The following RYR2 variants were observed in gnomAD, a reference collection of about 807,000 sequenced individuals.
RYR2 encodes ryanodine receptor 2, also known as cardiac muscle ryanodine receptor-calcium release channel.
Under a neutral mutation model 601.1 loss-of-function variants are expected in RYR2, and 227 were observed. That is an observed-to-expected ratio of 0.38 (90% CI 0.34 to 0.42). RYR2 has a LOEUF of 0.42. Ranked by LOEUF, RYR2 falls within the 10% of genes least tolerant of loss-of-function variation. The probability of loss-of-function intolerance (pLI) is 1.00; values close to 1 mark genes in which losing one functional copy is unlikely to be tolerated. For missense variants in RYR2, 4,646 were observed against 6,156.5 expected (o/e 0.75, Z 8.21); for synonymous variants, 2,223 against 2,175.1 (o/e 1.02, Z -0.61).
intron 1 of RYR2, among the ~76,000 whole-genome samples, chr1:237,072,042 A>G (rs1664413420): frequency 6.6e-6 from 1 of 152,024 alleles, no homozygotes; most frequent in Admixed American, 6.5e-5. Context: ...CTGCTGGGGG[A>G]AGAGGGTGTC....
At chr1:237,727,027 T>C in intron 75 of RYR2, 60 bp from the exon 76 acceptor site, 1 of 865,720 alleles carries the variant, frequency 1.2e-6, no homozygotes, top group Non-Finnish European at 2.0e-6. Flanking sequence ...GGTGTAAATA[T>C]TTATTTGTTT....
chr1:237,267,687 C>G (rs1415729580), intron 1 of RYR2: 3 of 205,548 alleles, frequency 1.5e-5, no homozygotes, highest in African/African-American at 2.4e-5. Context: ...CCACTCAAGA[C>G]TTTCCCAATC....
chr1:237,735,531 A>T (rs1691063594), intron 79 of RYR2, among the ~76,000 whole-genome samples: 1 of 152,176 alleles, frequency 6.6e-6, no homozygotes, highest in Non-Finnish European at 1.5e-5. Flanking sequence ...AGGTTACAGG[A>T]CATAAGGGAA....
intron 1 of RYR2, among the ~76,000 whole-genome samples, chr1:237,196,319 A>G (rs897359488): frequency 3.3e-4 from 50 of 152,254 alleles, no homozygotes; most frequent in East Asian, 1.9e-4. Flanking sequence ...ATTGCCTTCT[A>G]TGTTTTATGG....
At chr1:237,241,376 T>C (rs1686142820) in intron 1 of RYR2, among the ~76,000 whole-genome samples, 1 of 152,242 alleles carries the variant, frequency 6.6e-6, no homozygotes, top group Non-Finnish European at 1.5e-5. Context: ...TTTGAATTAC[T>C]CTTGGTCAGG....
intron 10 of RYR2, among the ~76,000 whole-genome samples, chr1:237,409,776 C>T (rs1400575472): frequency 6.6e-6 from 1 of 152,070 alleles, no homozygotes; most frequent in Non-Finnish European, 1.5e-5. Context: ...ATGGCTTCTT[C>T]TTTGTCCCTA....
At chr1:237,575,185 G>A (rs74877090) in intron 29 of RYR2, among the ~76,000 whole-genome samples, 23,226 of 152,008 alleles carry the variant, frequency 0.15, 2,128 homozygotes, top group Non-Finnish European at 0.2. Context: ...GTTCATACGC[G>A]GTTACCTCAT....
chr1:237,291,718 A>G (rs1692214943), intron 2 of RYR2, among the ~76,000 whole-genome samples: 2 of 152,220 alleles, frequency 1.3e-5, no homozygotes, highest in African/African-American at 4.8e-5. Context: ...GGAACAGTCA[A>G]ATCTCTGGAG....
At chr1:237,673,036 A>T (rs1685092516) in intron 58 of RYR2, among the ~76,000 whole-genome samples, 1 of 152,194 alleles carries the variant, frequency 6.6e-6, no homozygotes, top group South Asian at 2.1e-4. Context: ...TGTAGGGCTA[A>T]TTCAACATTT....
At position 237,650,023 on chromosome 1, in the gene RYR2, T is replaced by C. The variant is rs777013949; in HGVS notation, c.7659T>C (p.Tyr2553=). The C allele has an allele frequency of 5.0e-6, 8 of 1,614,054 alleles. No individual in the cohort carries two copies. The South Asian group carries it at 7.7e-5, about 16-fold the overall frequency. Reference sequence around the variant, plus strand: ...TTGACTCATTACTTCATACTGTGTATAGACTTTCTAAGGGCTGTTCACTTA... The same window carrying C: ...TTGACTCATTACTTCATACTGTGTACAGACTTTCTAAGGGCTGTTCACTTA... The part of the protein sequence containing the change: ...SLIDSLLHTV[Y]RLSKGCSLTK... The change falls in exon 50 of 105, where the codon TAT becomes TAC. Residue 2553 remains tyrosine (Y), a synonymous_variant. Transcript: ENST00000366574.
intron 1 of RYR2, among the ~76,000 whole-genome samples, chr1:237,268,193 C>T (rs1355682918): frequency 1.3e-5 from 2 of 152,228 alleles, no homozygotes; most frequent in East Asian, 3.9e-4. Flanking sequence ...ATTTAGATAG[C>T]CTCTAGCATC....
intron 78 of RYR2, 88 bp downstream of exon 78, chr1:237,732,237 A>C: frequency 1.3e-6 from 1 of 740,796 alleles, no homozygotes; most frequent in Admixed American, 2.5e-5. Flanking sequence ...TTCATGTTTT[A>C]AGTTCATCTT....
chr1:237,174,586 A>G (rs1225916136), intron 1 of RYR2, among the ~76,000 whole-genome samples: 4 of 152,102 alleles, frequency 2.6e-5, no homozygotes, highest in Non-Finnish European at 5.9e-5. Flanking sequence ...ATAACACTCA[A>G]TGGAGTGAGT....
At chr1:237,546,993 A>ATATATATTTATTTATT (rs746133377) in intron 25 of RYR2, among the ~76,000 whole-genome samples, 2 of 127,398 alleles carry the variant, frequency 1.6e-5, no homozygotes, top group Admixed American at 8.5e-5. Flanking sequence ...ATATATATAT[A>ATATATATTTATTTATT]TATTTATTTA....
intron 1 of RYR2, among the ~76,000 whole-genome samples, chr1:237,093,728 G>T (rs1558220845): frequency 6.6e-6 from 1 of 152,196 alleles, no homozygotes; most frequent in Non-Finnish European, 1.5e-5. Context: ...AGTATTGGCA[G>T]GCGTGGGATC....
At chr1:237,090,246 C>T (rs1666815457) in intron 1 of RYR2, among the ~76,000 whole-genome samples, 1 of 152,224 alleles carries the variant, frequency 6.6e-6, no homozygotes, top group Non-Finnish European at 1.5e-5. Context: ...CAAACCATAT[C>T]AGGGCCCTCC....
At chr1:237,355,105 T>A (rs899709720) in intron 3 of RYR2, among the ~76,000 whole-genome samples, 1 of 151,922 alleles carries the variant, frequency 6.6e-6, no homozygotes, top group Admixed American at 6.6e-5. Context: ...AATTAATGAG[T>A]TTTCTAAGGA....
chr1:237,205,673 A>G (rs768515910), intron 1 of RYR2, among the ~76,000 whole-genome samples: 6 of 152,344 alleles, frequency 3.9e-5, no homozygotes, highest in Admixed American at 1.3e-4. Flanking sequence ...CTTTACTCCA[A>G]AGAAATCCAA....
intron 101 of RYR2, among the ~76,000 whole-genome samples, chr1:237,826,930 C>T (rs1663160745): frequency 6.6e-6 from 1 of 152,164 alleles, no homozygotes. Flanking sequence ...CCCCTTCAAC[C>T]ACGGTGCTGT....
Sources: gnomAD v4.1 joint callset for allele counts (sites outside exome capture counted in the v4.1 genomes callset) on GRCh38, gnomAD v4.1.1 for gene constraint, MANE v1.5 for transcripts, NCBI Gene and HGNC (gene_info 2026-07-23, HGNC 2026-07-21) for gene names.